Variants in RAP1GDS1 observed in about 807,000 individuals in gnomAD.
The protein encoded by RAP1GDS1 is RAP1, GTP-GDP dissociation stimulator 1.
A neutral mutation model predicts 71.1 loss-of-function variants in RAP1GDS1; 35 were observed. The ratio of observed to expected loss-of-function variants is 0.49; its 90% CI spans 0.38 to 0.65. RAP1GDS1 has a LOEUF of 0.65. Among genes scored for constraint, RAP1GDS1 ranks in the 30% least tolerant of loss-of-function variants. The probability of loss-of-function intolerance (pLI) is 0.00; values close to 1 mark genes in which losing one functional copy is unlikely to be tolerated. For synonymous variants in RAP1GDS1, 229 were observed against 243.1 expected (o/e 0.94, Z 0.54); for missense variants, 663 against 706.1 (o/e 0.94, Z 0.69).
At position 98,271,251 on chromosome 4, in the gene RAP1GDS1, TTG is replaced by T. The variant is rs1723416600; in HGVS notation, c.4+9684_4+9685del. Among the ~76,000 whole-genome samples the T allele has an allele frequency of 2.6e-5, 4 of 152,284 alleles. No homozygotes were observed. In the South Asian group the frequency reaches 8.3e-4, roughly 32 times the overall value. On this transcript the variant is annotated intron_variant, in intron 1 of 14. Coordinates refer to ENST00000408927, the MANE Select transcript of RAP1GDS1 (RefSeq NM_001100427.2). ...ATTTATTAATATCTGGGCTACATCTTTGTATTTAGCAGATTAGTAGACATCTC... is the reference window on the plus strand; with the variant it reads ...ATTTATTAATATCTGGGCTACATCTTTATTTAGCAGATTAGTAGACATCTC...
At position 98,411,730 on chromosome 4, in the gene RAP1GDS1, T is replaced by C. The variant is rs547710765; in HGVS notation, c.764-5015T>C. ...TTGCACAATGGATAGGATGATACCA[T>C]TGAAGGCTTGTTTTTGGACTAATTC... On this transcript the variant is annotated intron_variant, in intron 7 of 14. Coordinates refer to ENST00000408927, the MANE Select transcript of RAP1GDS1 (RefSeq NM_001100427.2). Among the ~76,000 whole-genome samples the C allele has an allele frequency of 7.9e-5, 12 of 152,348 alleles. No individual in the cohort carries two copies. The East Asian group carries it at 1.3e-3, about 17-fold the overall frequency.
intron 2 of RAP1GDS1, among the ~76,000 whole-genome samples, chr4:98,313,048 GAC>G (rs1187617707): frequency 8.5e-6 from 1 of 117,068 alleles, no homozygotes; most frequent in Non-Finnish European, 1.7e-5. Context: ...CAGCCTGGGT[GAC>G]AGAGCAAGAC....
chr4:98,269,804 C>T (rs1402692990), intron 1 of RAP1GDS1, among the ~76,000 whole-genome samples: 1 of 152,022 alleles, frequency 6.6e-6, no homozygotes, highest in Non-Finnish European at 1.5e-5. Context: ...GCATGTATTC[C>T]AAAATCTGAA....
chr4:98,390,992 GAA>G (rs761411337), intron 5 of RAP1GDS1, among the ~76,000 whole-genome samples: 56 of 152,192 alleles, frequency 3.7e-4, no homozygotes, highest in Middle Eastern at 3.4e-3. Context: ...ATTTTAATGA[GAA>G]AAAAATTTTT....
intron 4 of RAP1GDS1, among the ~76,000 whole-genome samples, chr4:98,361,605 C>A (rs1738761663): frequency 1.3e-5 from 2 of 152,128 alleles, no homozygotes; most frequent in South Asian, 4.1e-4. Context: ...TGTGAGAAAT[C>A]TGTTGGACAA....
intron 14 of RAP1GDS1, among the ~76,000 whole-genome samples, chr4:98,438,480 T>C (rs1438654622): frequency 1.3e-5 from 2 of 150,902 alleles, no homozygotes; most frequent in East Asian, 1.9e-4. Context: ...TGTGCAATCT[T>C]ATTTTTGTTT....
chr4:98,416,470 C>T (rs1004262343), intron 7 of RAP1GDS1, among the ~76,000 whole-genome samples: 1 of 150,400 alleles, frequency 6.6e-6, no homozygotes, highest in African/African-American at 2.4e-5. Flanking sequence ...CCTCAGCCTC[C>T]TGAGTAGCTG....
intron 2 of RAP1GDS1, among the ~76,000 whole-genome samples, chr4:98,340,216 G>A (rs1735299010): frequency 6.6e-6 from 1 of 152,128 alleles, no homozygotes; most frequent in African/African-American, 2.4e-5. Flanking sequence ...CTACGATAAA[G>A]ACACACACAT....
At chr4:98,386,601 T>C (rs1273815101) in intron 5 of RAP1GDS1, among the ~76,000 whole-genome samples, 1 of 151,694 alleles carries the variant, frequency 6.6e-6, no homozygotes, top group Non-Finnish European at 1.5e-5. Context: ...AATTTCTATG[T>C]ATCATTGAAA....
intron 1 of RAP1GDS1, among the ~76,000 whole-genome samples, chr4:98,266,462 C>T (rs1193135478): frequency 6.6e-6 from 1 of 152,052 alleles, no homozygotes; most frequent in Non-Finnish European, 1.5e-5. Flanking sequence ...GTAGTTTTCT[C>T]TGTAGATAGG....
intron 2 of RAP1GDS1, among the ~76,000 whole-genome samples, chr4:98,309,243 T>C (rs1729843077): frequency 6.6e-6 from 1 of 151,984 alleles, no homozygotes; most frequent in African/African-American, 2.4e-5. Flanking sequence ...GAGAAACACA[T>C]TTAACCGGAA....
At chr4:98,415,589 A>G (rs951153444) in intron 7 of RAP1GDS1, among the ~76,000 whole-genome samples, 5 of 152,226 alleles carry the variant, frequency 3.3e-5, no homozygotes, top group Non-Finnish European at 5.9e-5. Context: ...GGAGGCAAAT[A>G]TAAGCTCTTC....
intron 2 of RAP1GDS1, among the ~76,000 whole-genome samples, chr4:98,310,364 A>G (rs1730022139): frequency 6.6e-6 from 1 of 152,162 alleles, no homozygotes; most frequent in South Asian, 2.1e-4. Context: ...TCTTAGCCAG[A>G]GGGCTGAGAA....
chr4:98,413,436 G>A lies in RAP1GDS1; in HGVS notation c.764-3309G>A, dbSNP rs1300309662. ...CTTCCAGTGTCCATGTGATCTCATC[G>A]TTCAATTCCCACCTATGAGTGAGAA... On this transcript the variant is annotated intron_variant, in intron 7 of 14. Coordinates refer to ENST00000408927, the MANE Select transcript of RAP1GDS1 (RefSeq NM_001100427.2). Among the ~76,000 whole-genome samples the A allele has an allele frequency of 2.7e-5, 4 of 149,804 alleles. No individual in the cohort carries two copies. The East Asian group carries it at 5.9e-4, about 22-fold the overall frequency.
chr4:98,304,329 C>A (rs752622031), intron 2 of RAP1GDS1, among the ~76,000 whole-genome samples: 112 of 152,140 alleles, frequency 7.4e-4, no homozygotes, highest in Non-Finnish European at 1.4e-3. Flanking sequence ...TAAAAGTGTT[C>A]CTATTTCTCC....
intron 3 of RAP1GDS1, among the ~76,000 whole-genome samples, chr4:98,346,892 T>C (rs547464918): frequency 1.3e-5 from 2 of 152,208 alleles, no homozygotes; most frequent in East Asian, 1.9e-4. Flanking sequence ...GTGAAAAATA[T>C]AAATGTCAGT....
At chr4:98,398,765 A>G (rs1371237599) in intron 6 of RAP1GDS1, among the ~76,000 whole-genome samples, 1 of 152,234 alleles carries the variant, frequency 6.6e-6, no homozygotes, top group Non-Finnish European at 1.5e-5. Context: ...TGCAAAAATC[A>G]GTAGCATTTC....
chr4:98,294,781 C>T (rs1727471684), intron 2 of RAP1GDS1, among the ~76,000 whole-genome samples: 1 of 152,076 alleles, frequency 6.6e-6, no homozygotes, highest in Admixed American at 6.6e-5. Context: ...ATGGATAGCA[C>T]TGGTCTAGAA....
At chr4:98,425,816 CAA>C in intron 12 of RAP1GDS1, among the ~76,000 whole-genome samples, 1 of 152,158 alleles carries the variant, frequency 6.6e-6, no homozygotes, top group Admixed American at 6.5e-5. Context: ...AAGAGGTTAT[CAA>C]GACAGAAAGT....
Sources: allele counts gnomAD v4.1 joint callset (sites outside exome capture counted in the v4.1 genomes callset), GRCh38; gene constraint gnomAD v4.1.1; transcripts MANE v1.5; gene names NCBI Gene and HGNC (gene_info 2026-07-23, HGNC 2026-07-21).